The following AR variants were observed in gnomAD, a reference collection of about 807,000 sequenced individuals.
The protein encoded by AR is androgen receptor.
A neutral mutation model predicts 53.9 loss-of-function variants in AR; 8 were observed. That is an observed-to-expected ratio of 0.15 (90% CI 0.09 to 0.27). AR has a LOEUF of 0.27. Among genes scored for constraint, AR ranks in the 10% least tolerant of loss-of-function variants. The pLI is 1.00. For missense variants in AR, 639 were observed against 742.5 expected (o/e 0.86, Z 1.62); for synonymous variants, 359 against 316.4 (o/e 1.13, Z -1.43).
intron 1 of AR, among the ~76,000 whole-genome samples, chrX:67,551,938 A>C (rs1409117229): frequency 8.9e-6 from 1 of 111,849 alleles, no homozygotes; most frequent in Non-Finnish European, 1.9e-5. Context: ...ATCTCGATAA[A>C]TTTATAGCAT....
intron 1 of AR, among the ~76,000 whole-genome samples, chrX:67,569,806 G>A (rs181265992): frequency 9.0e-6 from 1 of 110,737 alleles, no homozygotes; most frequent in African/African-American, 3.3e-5. Flanking sequence ...ACTGTTTTGG[G>A]GTGACTATTT....
chrX:67,698,658 T>C (rs759320829), intron 3 of AR, among the ~76,000 whole-genome samples: 1 of 112,515 alleles, frequency 8.9e-6, no homozygotes, highest in Admixed American at 9.4e-5. Context: ...GTTTACTTAG[T>C]GTTTAGAATT....
chrX:67,672,655 T>C (rs767027700), intron 2 of AR, among the ~76,000 whole-genome samples: 3 of 111,288 alleles, frequency 2.7e-5, no homozygotes, highest in Non-Finnish European at 3.8e-5. Context: ...TAACTTCATC[T>C]CTCTGCTTGT....
At chrX:67,655,825 A>C (rs185204798) in intron 2 of AR, among the ~76,000 whole-genome samples, 7 of 112,379 alleles carry the variant, frequency 6.2e-5, no homozygotes, top group South Asian at 7.4e-4. Flanking sequence ...AAATGAATCA[A>C]ACACTGATAA....
chrX:67,649,446 C>T (rs1051303066), intron 2 of AR, among the ~76,000 whole-genome samples: 1 of 112,033 alleles, frequency 8.9e-6, no homozygotes, highest in East Asian at 2.8e-4. Flanking sequence ...TGAGGAATCT[C>T]CACACTGTCT....
Position 67,545,608 on chromosome X carries a change from C to T in AR, c.462C>T (p.Asp154=), listed in dbSNP as rs140987594. The change falls in exon 1 of 8, where the codon GAC becomes GAT. Residue 154 remains aspartate (D), a synonymous_variant. Transcript: ENST00000374690. ...GLPQQLPAPP[D]EDDSAAPSTL... ...CGCAGCAGCTGCCAGCACCTCCGGA[C>T]GAGGATGACTCAGCTGCCCCATCCA... The T allele has an allele frequency of 7.8e-5, 93 of 1,186,847 alleles. No homozygotes were observed. The highest frequency in any genetic ancestry group is 1.0e-4 in the Non-Finnish European group (90 of 883,563).
At chrX:67,571,009 C>A (rs963147017) in intron 1 of AR, among the ~76,000 whole-genome samples, 1 of 110,294 alleles carries the variant, frequency 9.1e-6, no homozygotes, top group Admixed American at 9.6e-5. Flanking sequence ...TTTAGCAGGA[C>A]CAGATCTTTC....
At chrX:67,615,645 A>G (rs1201408562) in intron 1 of AR, among the ~76,000 whole-genome samples, 1 of 111,610 alleles carries the variant, frequency 9.0e-6, no homozygotes, top group East Asian at 2.8e-4. Context: ...AATAATAAAA[A>G]TACATCATTA....
intron 1 of AR, among the ~76,000 whole-genome samples, chrX:67,573,186 T>A (rs1279149950): frequency 9.0e-6 from 1 of 111,268 alleles, no homozygotes; most frequent in Non-Finnish European, 1.9e-5. Flanking sequence ...CTGGAGGTCA[T>A]TCAAATGAAA....
In AR at chrX:67,632,849, A is replaced by G. The variant is rs141575395; in HGVS notation, c.1617-10407A>G. Among the ~76,000 whole-genome samples, 906 of 112,169 alleles carry G rather than the reference A, an allele frequency of 8.1e-3. 7 individuals are homozygous for G. Among genetic ancestry groups the G allele is most frequent in the African/African-American group, 0.028 (864 of 30,884 alleles). On this transcript the variant is annotated intron_variant, in intron 1 of 7. Transcript: ENST00000374690. Reference sequence around the variant, plus strand: ...CAACTCAATATAAAAAGACAACCCAATTTTAAAATGGGCAAAGTATTTGAA... The same window carrying G: ...CAACTCAATATAAAAAGACAACCCAGTTTTAAAATGGGCAAAGTATTTGAA...
intron 1 of AR, among the ~76,000 whole-genome samples, chrX:67,568,075 T>A (rs1358173669): frequency 9.0e-6 from 1 of 111,101 alleles, no homozygotes; most frequent in Non-Finnish European, 1.9e-5. Flanking sequence ...CAAATCTCCC[T>A]CCCATACCAC....
intron 2 of AR, among the ~76,000 whole-genome samples, chrX:67,660,094 T>A (rs372131718): frequency 1.8e-5 from 2 of 111,989 alleles, no homozygotes; most frequent in East Asian, 2.8e-4. Flanking sequence ...GTTTGAGTTC[T>A]TTGTAGATTC....
intron 1 of AR, among the ~76,000 whole-genome samples, chrX:67,634,793 T>G (rs1388785594): frequency 9.0e-6 from 1 of 111,446 alleles, no homozygotes; most frequent in Non-Finnish European, 1.9e-5. Context: ...AGAGAATAAT[T>G]GTGAACTCTG....
intron 2 of AR, among the ~76,000 whole-genome samples, chrX:67,665,826 A>G (rs1187372658): frequency 8.9e-6 from 1 of 111,877 alleles, no homozygotes; most frequent in Non-Finnish European, 1.9e-5. Context: ...GAGTTTGCTG[A>G]CTCACACCAT....
intron 1 of AR, among the ~76,000 whole-genome samples, chrX:67,583,167 T>C (rs1922369922): frequency 8.9e-6 from 1 of 112,188 alleles, no homozygotes; most frequent in Non-Finnish European, 1.9e-5. Flanking sequence ...ATGAAATCTC[T>C]GTTCCCAGCT....
At chrX:67,685,310 G>A (rs2075959730) in intron 2 of AR, among the ~76,000 whole-genome samples, 1 of 111,583 alleles carries the variant, frequency 9.0e-6, no homozygotes, top group African/African-American at 3.3e-5. Context: ...CTAGGTCTGA[G>A]CATGTGTATG....
rs2076149856 is a variant in AR at position 67,724,391 on chromosome X, A to G, written c.*550A>G. On this transcript the variant is annotated 3_prime_UTR_variant, in exon 8 of 8. Transcript: ENST00000374690. ...TACGTACATACATACACACATACAT[A>G]CAAACATATAGAAATCCCCAAAGAG... is the stretch of plus-strand genomic sequence containing the variant. 5.7e-6 allele frequency: 1 copy of G among 175,389 alleles called. No individual in the cohort carries two copies. Among genetic ancestry groups the G allele is most frequent in the African/African-American group, 2.9e-5 (1 of 33,933 alleles). 14.5% of individuals were successfully genotyped at this position (175,389 alleles called of 1,213,427 possible).
rs2147530531 is a variant in AR at position 67,717,472 on chromosome X, C to T, written c.2174-6C>T. ...CTGACCACTGCCTCTGCCTCTTCTT[C>T]TCCAGGCTTCCGCAACTTACACGTG... On this transcript the variant is annotated splice_polypyrimidine_tract_variant and splice_region_variant and intron_variant, in intron 4 of 7. Transcript: ENST00000374690. The T allele has an allele frequency of 8.3e-7, 1 of 1,211,633 alleles. No individual in the cohort carries two copies.
intron 2 of AR, among the ~76,000 whole-genome samples, chrX:67,679,060 G>A (rs548411717): frequency 9.0e-6 from 1 of 111,059 alleles, no homozygotes; most frequent in South Asian, 3.8e-4. Context: ...ATTATTAGTA[G>A]GCAAGGTGAT....
Sources: allele counts gnomAD v4.1 joint callset (sites outside exome capture counted in the v4.1 genomes callset), GRCh38; gene constraint gnomAD v4.1.1; transcripts MANE v1.5; gene names NCBI Gene and HGNC (gene_info 2026-07-23, HGNC 2026-07-21).